The following SCAI variants were observed in gnomAD, a reference collection of about 807,000 sequenced individuals.
SCAI encodes protein SCAI.
A neutral mutation model predicts 92.2 loss-of-function variants in SCAI; 24 were observed. The ratio of observed to expected loss-of-function variants is 0.26; its 90% CI spans 0.19 to 0.37. SCAI has a LOEUF of 0.37. Ranked by LOEUF, SCAI falls within the 10% of genes least tolerant of loss-of-function variation. SCAI has a pLI of 1.00. For missense variants in SCAI, 450 were observed against 736.2 expected, an observed-to-expected ratio of 0.61 and a Z score of 4.50; for synonymous variants, 261 against 258.6, an observed-to-expected ratio of 1.01 and a Z score of -0.09.
At chr9:124,968,596 CA>C in intron 17 of SCAI, 1 of 954,418 alleles carries the variant, frequency 1.0e-6, no homozygotes. Flanking sequence ...GCAAGGTCTT[CA>C]AAAAACTCTG....
Position 124,971,387 on chromosome 9 carries a change from T to C in SCAI, c.1657A>G (p.Met553Val). Residue 553 changes from methionine to valine, a missense_variant, in exon 17 of 18, where the codon ATG becomes GTG. Physicochemically the swap from Met to Val is conservative, Grantham distance 21 (BLOSUM62 1). Transcript: ENST00000336505. ...TTGCCTACCCGAAAAATCTTGTGCA[T>C]CCTCATGGTGGCTGAACAAAAGATA... ...RFIFCSATMR[M>V]HKIFRETRNY... The C allele has an allele frequency of 6.2e-7, 1 of 1,608,250 alleles. No homozygotes were observed. Among genetic ancestry groups the C allele is most frequent in the African/African-American group, 1.3e-5 (1 of 74,796 alleles).
chr9:125,081,486 C>T (rs930018578), intron 2 of SCAI, among the ~76,000 whole-genome samples: 1 of 152,168 alleles, frequency 6.6e-6, no homozygotes, highest in African/African-American at 2.4e-5. Context: ...TTGACCTTGA[C>T]AGAGATGATT....
chr9:125,099,366 C>G (rs922012758), intron 2 of SCAI, among the ~76,000 whole-genome samples: 1 of 151,906 alleles, frequency 6.6e-6, no homozygotes, highest in Non-Finnish European at 1.5e-5. Context: ...CAGTTCACTG[C>G]AACCTCCGCC....
At chr9:125,137,748 G>A (rs949743065) in intron 2 of SCAI, among the ~76,000 whole-genome samples, 8 of 152,008 alleles carry the variant, frequency 5.3e-5, no homozygotes, top group Admixed American at 3.3e-4. Flanking sequence ...TTACAGGCAC[G>A]CGCCACCATG....
chr9:124,956,519 G>A (rs1050665041), intron 17 of SCAI, among the ~76,000 whole-genome samples: 1 of 152,076 alleles, frequency 6.6e-6, no homozygotes, highest in Non-Finnish European at 1.5e-5. Flanking sequence ...GCGCCTGGCT[G>A]ATTTAACATT....
intron 6 of SCAI, among the ~76,000 whole-genome samples, chr9:125,021,693 T>C (rs1832873309): frequency 2.0e-5 from 3 of 152,308 alleles, no homozygotes; most frequent in Admixed American, 6.5e-5. Context: ...ATGTTCAACA[T>C]TTTCCATAAT....
chr9:125,084,158 CTTTTTTTTTTTTTTTT>C (rs34786493), intron 2 of SCAI, among the ~76,000 whole-genome samples: 8 of 65,116 alleles, frequency 1.2e-4, no homozygotes, highest in East Asian at 5.7e-4. Context: ...TTGGCTGCTG[CTTTTTTTTTTTTTTTT>C]TTTTTTTTTT....
intron 2 of SCAI, chr9:125,142,123 T>G (rs1835681338): frequency 6.6e-6 from 1 of 152,398 alleles, no homozygotes; most frequent in African/African-American, 2.4e-5. Context: ...TAATTTTTTG[T>G]TTTTGTGGGT....
intron 17 of SCAI, among the ~76,000 whole-genome samples, chr9:124,954,856 A>G (rs1381933625): frequency 6.6e-6 from 1 of 152,158 alleles, no homozygotes; most frequent in Non-Finnish European, 1.5e-5. Flanking sequence ...TAAATAAGTC[A>G]TATAATATGT....
chr9:125,012,324 A>G (rs1832656681), intron 9 of SCAI, among the ~76,000 whole-genome samples: 1 of 152,252 alleles, frequency 6.6e-6, no homozygotes, highest in East Asian at 1.9e-4. Context: ...TCAAAATAAA[A>G]GGATGGAGGA....
chr9:125,083,472 C>G (rs569014905), intron 2 of SCAI, among the ~76,000 whole-genome samples: 1 of 148,638 alleles, frequency 6.7e-6, no homozygotes, highest in Admixed American at 6.8e-5. Context: ...GACCTGACAT[C>G]GCACCAATGC....
intron 3 of SCAI, among the ~76,000 whole-genome samples, chr9:125,046,902 T>C (rs1833455025): frequency 6.6e-6 from 1 of 151,922 alleles, no homozygotes; most frequent in South Asian, 2.1e-4. Context: ...TATTCATCTA[T>C]TTTATTGTTT....
intron 15 of SCAI, chr9:124,975,172 C>T: frequency 2.9e-6 from 1 of 343,014 alleles, no homozygotes; most frequent in African/African-American, 2.2e-5. Flanking sequence ...AAGTTCTATC[C>T]CTTAGTAATT....
chr9:124,968,264 CT>C, intron 17 of SCAI: 1 of 1,121,330 alleles, frequency 8.9e-7, no homozygotes, highest in Non-Finnish European at 1.3e-6. Context: ...GGCCTGACAG[CT>C]TTTAATATCC....
intron 2 of SCAI, among the ~76,000 whole-genome samples, chr9:125,057,570 G>T (rs184082523): frequency 1.3e-5 from 2 of 152,282 alleles, no homozygotes; most frequent in African/African-American, 4.8e-5. Context: ...CACCAAGTGG[G>T]TATCCACATC....
Position 124,952,563 on chromosome 9 carries a change from A to G in SCAI, c.*244T>C. ...GTGTAGGATTAGAAGTTGGAGGTAA[A>G]TATCCATCCCTCAAAATCAAAAAAT... On this transcript the variant is annotated 3_prime_UTR_variant, in exon 18 of 18. Coordinates refer to ENST00000336505, the MANE Select transcript of SCAI (RefSeq NM_001144877.3). 1 of 369,182 alleles carries G rather than the reference A, an allele frequency of 2.7e-6. No homozygotes were observed. The highest frequency in any genetic ancestry group is 4.8e-6 in the Non-Finnish European group (1 of 206,844). The allele number at this position is 369,182 out of a possible 1,614,324, so 22.9% of individuals were successfully genotyped here.
intron 2 of SCAI, among the ~76,000 whole-genome samples, chr9:125,095,220 G>T (rs954073750): frequency 3.3e-5 from 5 of 152,144 alleles, no homozygotes; most frequent in African/African-American, 1.2e-4. Flanking sequence ...AAAAGTCCAC[G>T]TTAGCTCCAG....
chr9:125,058,240 A>G (rs1034160634), intron 2 of SCAI, among the ~76,000 whole-genome samples: 3 of 150,910 alleles, frequency 2.0e-5, no homozygotes, highest in African/African-American at 7.3e-5. Context: ...TGGGCCAGGT[A>G]CAGTGGCTCA....
At chr9:125,059,371 G>A (rs543230153) in intron 2 of SCAI, among the ~76,000 whole-genome samples, 1 of 152,332 alleles carries the variant, frequency 6.6e-6, no homozygotes, top group Non-Finnish European at 1.5e-5. Flanking sequence ...TCCTTCTGCT[G>A]TAAAGGATGT....
Sources: allele counts gnomAD v4.1 joint callset (sites outside exome capture counted in the v4.1 genomes callset), GRCh38; gene constraint gnomAD v4.1.1; transcripts MANE v1.5; gene names NCBI Gene and HGNC (gene_info 2026-07-23, HGNC 2026-07-21).